Variants in CD34 observed in about 807,000 individuals in gnomAD.
The protein encoded by CD34 is hematopoietic progenitor cell antigen CD34.
A neutral mutation model predicts 40.1 loss-of-function variants in CD34; 34 were observed. The ratio of observed to expected loss-of-function variants is 0.85; its 90% confidence interval spans 0.65 to 1.13. CD34 has a LOEUF of 1.13. CD34 is among the 50% of genes most tolerant of loss of function. The pLI, the probability that CD34 is intolerant of heterozygous loss-of-function variation, is 0.00. For missense variants in CD34, 426 were observed against 466.9 expected (o/e 0.91, Z 0.81); for synonymous variants, 209 against 190.0 (o/e 1.10, Z -0.82).
In CD34 at chr1:207,889,623, T is replaced by C. The variant is rs1558117849; in HGVS notation, c.598-2A>G. The C allele has an allele frequency of 2.5e-6, 4 of 1,612,322 alleles. No homozygotes were observed. Among genetic ancestry groups the C allele is most frequent in the Non-Finnish European group, 2.5e-6 (3 of 1,179,256 alleles). ...TCCCCTGTCCTTCTTAAACTCCGCC[T>C]GGGAAGACAGAGAAACATGGAGAGC... On this transcript the variant is annotated splice_acceptor_variant, in intron 4 of 7. Transcript: ENST00000310833. LOFTEE classifies it high-confidence loss of function.
At position 207,887,832 on chromosome 1, in the gene CD34, A is replaced by G. The variant is rs1181141571; in HGVS notation, c.1064T>C (p.Val355Ala). 1 of 1,614,056 alleles carries G rather than the reference A, an allele frequency of 6.2e-7. No individual in the cohort carries two copies. The highest frequency in any genetic ancestry group is 1.3e-5 in the African/African-American group (1 of 74,906). ...CCCGTTTTCCTGAGCCCCTCGGTTC[A>G]CACTGGCCTTTCCCTGAGCCTCAGG... ...TSPEAQGKAS[V>A]NRGAQENGTG... The change falls in exon 8 of 8, where the codon GTG (valine) becomes GCG (alanine). Residue 355 changes from valine (V) to alanine (A), a missense_variant. By Grantham distance (64) the Val-to-Ala change is moderately conservative (BLOSUM62 0). Coordinates refer to ENST00000310833, the MANE Select transcript of CD34 (RefSeq NM_001025109.2).
Position 207,887,880 on chromosome 1 carries a change from T to C in CD34, c.1016A>G (p.Tyr339Cys), listed in dbSNP as rs906924462. The change falls in exon 8 of 8, where the codon TAT (tyrosine) becomes TGT (cysteine). Residue 339 changes from tyrosine (Y) to cysteine (C), a missense_variant. Physicochemically the swap from Tyr to Cys is radical, Grantham distance 194 (BLOSUM62 -2). Coordinates refer to ENST00000310833, the MANE Select transcript of CD34 (RefSeq NM_001025109.2). ...AGGGGAGGTCCCAGGTCCTGAGCTA[T>C]AGCCCTGGCCTCCACCGTTTTCCGT... Reference protein sequence around the residue: ...YYTENGGGQGYSSGPGTSPEA... With the variant: ...YYTENGGGQGCSSGPGTSPEA... 6.2e-7 allele frequency: 1 copy of C among 1,614,018 alleles called. No individual in the cohort carries two copies. The highest frequency in any genetic ancestry group is 8.5e-7 in the Non-Finnish European group (1 of 1,180,010).
At chr1:207,910,263 G>A (rs532694915) in intron 1 of CD34, among the ~76,000 whole-genome samples, 5 of 152,282 alleles carry the variant, frequency 3.3e-5, no homozygotes, top group African/African-American at 9.6e-5. Context: ...AAGGTGACAA[G>A]TTTTGAAATT....
chr1:207,899,978 G>A lies in CD34; in HGVS notation c.105C>T (p.Asn35=), dbSNP rs913820873. 2 of 1,612,354 alleles carry A rather than the reference G, an allele frequency of 1.2e-6. No homozygotes were observed. The highest frequency in any genetic ancestry group is 1.7e-6 in the Non-Finnish European group (2 of 1,179,024). ...LLPSGFMSLD[N]NGTATPELPT... is the part of the protein sequence containing the mutation. ...GTAACTCTGGGGTAGCAGTACCGTTGTTGTCAAGACTCATGAACCCAGAAG... is the reference window on the plus strand; with the variant it reads ...GTAACTCTGGGGTAGCAGTACCGTTATTGTCAAGACTCATGAACCCAGAAG... Residue 35 remains asparagine, a synonymous_variant, in exon 2 of 8, where the codon AAC becomes AAT. Coordinates refer to ENST00000310833, the MANE Select transcript of CD34 (RefSeq NM_001025109.2).
At chr1:207,907,219 C>T (rs1662400335) in intron 1 of CD34, among the ~76,000 whole-genome samples, 1 of 152,138 alleles carries the variant, frequency 6.6e-6, no homozygotes, top group Non-Finnish European at 1.5e-5. Flanking sequence ...CATTACTGTG[C>T]TAATGAAGCC....
At chr1:207,899,501 C>T (rs181573396) in intron 2 of CD34, among the ~76,000 whole-genome samples, 1 of 152,224 alleles carries the variant, frequency 6.6e-6, no homozygotes, top group African/African-American at 2.4e-5. Context: ...CACCTTCTTT[C>T]CTTTAGAAGA....
chr1:207,886,519 G>C lies in CD34; in HGVS notation c.*1219C>G, dbSNP rs937812454. On this transcript the variant is annotated 3_prime_UTR_variant, in exon 8 of 8. Coordinates refer to ENST00000310833, the MANE Select transcript of CD34 (RefSeq NM_001025109.2). The stretch of plus-strand genomic sequence containing the variant: ...CTTGCATGCAGACACACCCAGCTAA[G>C]ACAGAGTCACATAACAGATGTGTTT... 3.9e-5 allele frequency: 6 copies of C among 152,396 alleles called. No homozygotes were observed. The highest frequency in any genetic ancestry group is 8.8e-5 in the Non-Finnish European group (6 of 68,064). 9.4% of individuals were successfully genotyped at this position (152,396 alleles called of 1,614,324 possible). A position where few individuals can be genotyped will look rare whatever the true frequency, so the allele number is the denominator to read the frequency against.
rs1011290698 is a variant in CD34 at position 207,881,300 on chromosome 1, C to G, written c.*6438G>C. On this transcript the variant is annotated 3_prime_UTR_variant, in exon 8 of 8. Transcript: ENST00000310833. ...TCACATTCATTCTTTCACAAGTATA[C>G]AGTGGAGTGTTTCAGAGGCTACCCA... 1 of 152,152 alleles carries G rather than the reference C, an allele frequency of 6.6e-6. No individual in the cohort carries two copies. Among genetic ancestry groups the G allele is most frequent in the African/African-American group, 2.4e-5 (1 of 41,436 alleles). The allele number at this position is 152,152 out of a possible 1,614,324, so 9.4% of individuals were successfully genotyped here.
chr1:207,887,462 A>G lies in CD34; in HGVS notation c.*276T>C, dbSNP rs2745951. 153,429 of 425,012 alleles carry G rather than the reference A, an allele frequency of 0.36. 28,412 individuals are homozygous for G. Among genetic ancestry groups the G allele is most frequent in the Middle Eastern group, 0.39 (623 of 1,588 alleles). The allele number at this position is 425,012 out of a possible 1,614,324, so 26.3% of individuals were successfully genotyped here. A position where few individuals can be genotyped will look rare whatever the true frequency, so the allele number is the denominator to read the frequency against. On this transcript the variant is annotated 3_prime_UTR_variant, in exon 8 of 8. Transcript: ENST00000310833. ...CTGTGTGAGTGCTGCAAGGCCATCGATTGTTCCTGGGAGCTTCTCCAGACC... is the reference window on the plus strand; with the variant it reads ...CTGTGTGAGTGCTGCAAGGCCATCGGTTGTTCCTGGGAGCTTCTCCAGACC...
intron 6 of CD34, 35 bp downstream of exon 6, chr1:207,889,126 A>G (rs2073070): frequency 3.4e-5 from 43 of 1,261,042 alleles, no homozygotes; most frequent in Non-Finnish European, 4.5e-5. Context: ...CTGCCCCGGC[A>G]TTCCCTCTCA....
intron 1 of CD34, among the ~76,000 whole-genome samples, chr1:207,909,495 G>A (rs1370002141): frequency 2.6e-5 from 4 of 151,944 alleles, no homozygotes; most frequent in East Asian, 1.9e-4. Context: ...TGCAACCTCC[G>A]CCTCCTGGGT....
rs1366302292 is a variant in CD34, at chr1:207,885,941, TG to T, written c.*1796del. ...ACTCCCTCCCCAACTTCCTATGGCC[TG>T]GTAGGGGTGGGGTGGGGGTTGTTTT... is the stretch of plus-strand genomic sequence containing the variant. On this transcript the variant is annotated 3_prime_UTR_variant, in exon 8 of 8. Coordinates refer to ENST00000310833, the MANE Select transcript of CD34 (RefSeq NM_001025109.2). The T allele has an allele frequency of 7.1e-6, 1 of 141,554 alleles. No homozygotes were observed. The highest frequency in any genetic ancestry group is 2.1e-4 in the East Asian group (1 of 4,846). 8.8% of individuals were successfully genotyped at this position (141,554 alleles called of 1,614,324 possible). A position where few individuals can be genotyped will look rare whatever the true frequency, so the allele number is the denominator to read the frequency against.
intron 6 of CD34, 139 bp downstream of exon 6, chr1:207,889,022 T>C: frequency 1.1e-6 from 1 of 878,556 alleles, no homozygotes; most frequent in Non-Finnish European, 1.9e-6. Flanking sequence ...CCCCACCATT[T>C]TTGGTTCAAG....
chr1:207,904,048 A>G (rs970166734), intron 1 of CD34, among the ~76,000 whole-genome samples: 1 of 152,038 alleles, frequency 6.6e-6, no homozygotes, highest in African/African-American at 2.4e-5. Flanking sequence ...AAATATTTCT[A>G]CCTGCCACTA....
chr1:207,899,235 G>A lies in CD34; in HGVS notation c.263-9C>T. 6.2e-7 allele frequency: 1 copy of A among 1,613,654 alleles called. No homozygotes were observed. Among genetic ancestry groups the A allele is most frequent in the South Asian group, 1.1e-5 (1 of 90,966 alleles). ...GAATTTGACTGTCGTTTCTGGAAGA[G>A]ACCAAAACATGGGTGTGCATGTGTG... On this transcript the variant is annotated splice_polypyrimidine_tract_variant and intron_variant, in intron 2 of 7. Coordinates refer to ENST00000310833, the MANE Select transcript of CD34 (RefSeq NM_001025109.2).
At chr1:207,906,183 C>T (rs1374963159) in intron 1 of CD34, among the ~76,000 whole-genome samples, 9 of 152,054 alleles carry the variant, frequency 5.9e-5, no homozygotes, top group African/African-American at 1.5e-4. Context: ...TCATGAAGGA[C>T]CAGATTAAAT....
At position 207,897,649 on chromosome 1, in the gene CD34, T is replaced by G; in HGVS notation, c.517-76A>C. 7 of 1,227,050 alleles carry G rather than the reference T, an allele frequency of 5.7e-6. No individual in the cohort carries two copies. In the South Asian group the frequency reaches 7.7e-5, roughly 14 times the overall value. 76.0% of individuals were successfully genotyped at this position (1,227,050 alleles called of 1,614,324 possible). On this transcript the variant is annotated intron_variant, in intron 3 of 7. Coordinates refer to ENST00000310833, the MANE Select transcript of CD34 (RefSeq NM_001025109.2). Reference sequence around the variant, plus strand: ...TTTGCTCCTCATTTCTTTCCCAACTTTTTCCAGTTTGCTTTCTGTGAGGTG... The same window carrying G: ...TTTGCTCCTCATTTCTTTCCCAACTGTTTCCAGTTTGCTTTCTGTGAGGTG...
chr1:207,891,158 G>A (rs1422198222), intron 4 of CD34, among the ~76,000 whole-genome samples: 1 of 152,282 alleles, frequency 6.6e-6, no homozygotes, highest in East Asian at 1.9e-4. Context: ...GCTCCTGCAG[G>A]TTGTAAACTA....
intron 1 of CD34, among the ~76,000 whole-genome samples, chr1:207,903,998 G>A (rs577790253): frequency 1.6e-4 from 24 of 152,134 alleles, no homozygotes; most frequent in African/African-American, 5.8e-4. Context: ...TTTTCGGGGG[G>A]GTATTCTAAG....
Sources: allele counts gnomAD v4.1 joint callset (sites outside exome capture counted in the v4.1 genomes callset), GRCh38; gene constraint gnomAD v4.1.1; transcripts MANE v1.5; gene names NCBI Gene and HGNC (gene_info 2026-07-23, HGNC 2026-07-21).